The following RDM1 variants were observed in gnomAD, a reference collection of about 807,000 sequenced individuals.
RDM1 encodes the protein RAD52 motif-containing protein 1.
Under a neutral mutation model 27.7 loss-of-function variants are expected in RDM1, and 28 were observed. The observed-to-expected ratio is 1.01, with a 90% confidence interval of 0.75 to 1.39. The LOEUF (loss-of-function observed/expected upper bound fraction) is 1.39. Ranked by LOEUF, RDM1 falls within the 40% of genes most tolerant of loss-of-function variation. RDM1 has a pLI of 0.00. For missense variants in RDM1, 277 were observed against 337.3 expected, an observed-to-expected ratio of 0.82 and a Z score of 1.40; for synonymous variants, 124 against 127.5, an observed-to-expected ratio of 0.97 and a Z score of 0.19.
intron 5 of RDM1, 42 bp from the exon 6 acceptor site, chr17:35,920,314 T>C: frequency 2.9e-6 from 3 of 1,020,404 alleles, no homozygotes; most frequent in Non-Finnish European, 4.5e-6. Flanking sequence ...ATCTTTTTCA[T>C]TCTAAAACTT....
intron 4 of RDM1, among the ~76,000 whole-genome samples, chr17:35,923,410 C>A (rs993931448): frequency 6.7e-6 from 1 of 148,220 alleles, no homozygotes; most frequent in Non-Finnish European, 1.5e-5. Flanking sequence ...AATCCCAGCA[C>A]TTTGGGAGGC....
At chr17:35,924,830 T>C in intron 3 of RDM1, 58 bp from the exon 4 acceptor site, 1 of 1,560,144 alleles carries the variant, frequency 6.4e-7, no homozygotes, top group Non-Finnish European at 8.7e-7. Flanking sequence ...CTTCAAAATG[T>C]TTTGTTATTA....
intron 2 of RDM1, among the ~76,000 whole-genome samples, chr17:35,928,722 A>T (rs368354472): frequency 5.3e-5 from 8 of 151,250 alleles, no homozygotes; most frequent in African/African-American, 1.9e-4. Context: ...AGATCACACC[A>T]TTGCACTCCA....
chr17:35,920,400 G>T, intron 5 of RDM1, 128 bp from the exon 6 acceptor site: 4 of 438,648 alleles, frequency 9.1e-6, no homozygotes, highest in South Asian at 3.9e-5. Context: ...GCATTTTCCT[G>T]GAAGTTTCCT....
intron 5 of RDM1, among the ~76,000 whole-genome samples, chr17:35,920,996 T>C (rs1371047781): frequency 3.9e-5 from 6 of 152,230 alleles, no homozygotes; most frequent in Non-Finnish European, 5.9e-5. Flanking sequence ...CCTTCTTTTG[T>C]CTACTCAGGT....
rs538357692 is a variant in RDM1 at position 35,923,224 on chromosome 17, A to G, written c.569-549T>C. Among the ~76,000 whole-genome samples, 50 of 151,962 alleles carry G rather than the reference A, an allele frequency of 3.3e-4. No homozygotes were observed. In the South Asian group the frequency reaches 1.0e-2, roughly 30 times the overall value. ...AAATTAGCCGGGTGTGGTGGCACAC[A>G]TGTGTAATCCCAGCTACCTGGGAGT... On this transcript the variant is annotated intron_variant, in intron 4 of 6. Coordinates refer to ENST00000620284, the MANE Select transcript of RDM1 (RefSeq NM_145654.4).
At chr17:35,927,937 A>C (rs1201381084) in intron 2 of RDM1, among the ~76,000 whole-genome samples, 1 of 152,228 alleles carries the variant, frequency 6.6e-6, no homozygotes, top group Non-Finnish European at 1.5e-5. Flanking sequence ...ATAGTTCAAA[A>C]GTTAAATAAT....
intron 4 of RDM1, among the ~76,000 whole-genome samples, chr17:35,923,776 T>C (rs1006393995): frequency 4.6e-5 from 7 of 152,240 alleles, no homozygotes; most frequent in Admixed American, 6.5e-5. Context: ...ACCCTAAGCA[T>C]GATGGCCATG....
chr17:35,928,687 G>A (rs1019303494), intron 2 of RDM1, among the ~76,000 whole-genome samples: 9 of 151,754 alleles, frequency 5.9e-5, no homozygotes, highest in African/African-American at 1.5e-4. Flanking sequence ...GCTTGAACCC[G>A]GGAGGCGGAG....
intron 2 of RDM1, among the ~76,000 whole-genome samples, chr17:35,926,611 A>G (rs565978658): frequency 2.0e-5 from 3 of 152,168 alleles, no homozygotes; most frequent in South Asian, 2.1e-4. Flanking sequence ...TCACCGTGTT[A>G]GCCAGGATGG....
At position 35,922,635 on chromosome 17, in the gene RDM1, C is replaced by T; in HGVS notation, c.609G>A (p.Lys203=). The change falls in exon 5 of 7, where the codon AAG becomes AAA. Residue 203 remains lysine, a synonymous_variant. Coordinates refer to ENST00000620284, the MANE Select transcript of RDM1 (RefSeq NM_145654.4). ...CTGACAAAGCCTTCTGAATAGCAAGCTTCTGGGCTGTCTTCCTTTTCATAA... is the reference window on the plus strand; with the variant it reads ...CTGACAAAGCCTTCTGAATAGCAAGTTTCTGGGCTGTCTTCCTTTTCATAA... The part of the protein sequence containing the change: ...SFLMKRKTAQ[K]LAIQKALSDA... The T allele has an allele frequency of 6.2e-7, 1 of 1,610,868 alleles. No individual in the cohort carries two copies. The highest frequency in any genetic ancestry group is 1.1e-5 in the South Asian group (1 of 90,576).
rs1339140332 is a variant in RDM1, at chr17:35,920,219, T to C, written c.721A>G (p.Arg241Gly). 5 of 1,603,328 alleles carry C rather than the reference T, an allele frequency of 3.1e-6. No homozygotes were observed. The African/African-American group carries it at 6.7e-5, about 21-fold the overall frequency. The change falls in exon 6 of 7, where the codon AGA becomes GGA. Residue 241 changes from arginine to glycine, a missense_variant. Arg to Gly is a moderately radical substitution (Grantham distance 125). Transcript: ENST00000620284. The part of the protein sequence containing the change: ...YRPSEDIVGV[R>G]CEEELHGLIQ... ...AAACCGTGTAGTTCTTCTTCGCATC[T>C]GACACCTACGATGTCTTCACTGGGT...
At chr17:35,920,164 CCT>C in intron 6 of RDM1, 21 bp downstream of exon 6, 1 of 1,223,858 alleles carries the variant, frequency 8.2e-7, no homozygotes, top group South Asian at 1.3e-5. Flanking sequence ...CTATGTTACC[CCT>C]GAGTTTTTAT....
intron 4 of RDM1, among the ~76,000 whole-genome samples, chr17:35,923,669 G>GA (rs1313387945): frequency 2.0e-5 from 3 of 151,894 alleles, no homozygotes; most frequent in Non-Finnish European, 4.4e-5. Context: ...TCTCAAAAAA[G>GA]AAAAAACTTT....
At position 35,925,562 on chromosome 17, in the gene RDM1, C is replaced by T. The variant is rs932604946; in HGVS notation, c.352G>A (p.Ala118Thr). 8.1e-6 allele frequency: 13 copies of T among 1,613,898 alleles called. No homozygotes were observed. The highest frequency in any genetic ancestry group is 1.0e-5 in the Non-Finnish European group (12 of 1,180,012). Reference sequence around the variant, plus strand: ...CCATTGAAACCAAAGTAGTAATTCGCCAGTTCTTGGCATTTGGAACTGTTC... The same window carrying T: ...CCATTGAAACCAAAGTAGTAATTCGTCAGTTCTTGGCATTTGGAACTGTTC... Reference protein sequence around the residue: ...ALNSSKCQELANYYFGFNGCS... With the variant: ...ALNSSKCQELTNYYFGFNGCS... The change falls in exon 3 of 7, where the codon GCG becomes ACG. Residue 118 changes from alanine to threonine, a missense_variant. Ala to Thr is a moderately conservative substitution (Grantham distance 58, BLOSUM62 0). Coordinates refer to ENST00000620284, the MANE Select transcript of RDM1 (RefSeq NM_145654.4).
At position 35,930,745 on chromosome 17, in the gene RDM1, T is replaced by A. The variant is rs539772102; in HGVS notation, c.-18A>T. 1.9e-6 allele frequency: 3 copies of A among 1,610,804 alleles called. No individual in the cohort carries two copies. In the East Asian group the frequency reaches 6.7e-5, roughly 36 times the overall value. ...TCCGCCATCCTCCCTTCACCGCACC[T>A]GCGCGGCTAACCCTCGCCCCAGCAT... On this transcript the variant is annotated 5_prime_UTR_variant, in exon 1 of 7. Coordinates refer to ENST00000620284, the MANE Select transcript of RDM1 (RefSeq NM_145654.4).
intron 3 of RDM1, among the ~76,000 whole-genome samples, chr17:35,925,023 A>C (rs767473909): frequency 1.3e-5 from 2 of 152,142 alleles, no homozygotes; most frequent in Non-Finnish European, 2.9e-5. Flanking sequence ...AGTCCCAGCT[A>C]CTTGGGAGGC....
intron 5 of RDM1, among the ~76,000 whole-genome samples, chr17:35,921,082 A>C (rs1253579259): frequency 2.0e-5 from 3 of 152,220 alleles, no homozygotes; most frequent in Admixed American, 6.5e-5. Flanking sequence ...ACATTTGAAC[A>C]TTTTATTGGC....
chr17:35,922,308 C>A, intron 5 of RDM1: 1 of 449,446 alleles, frequency 2.2e-6, no homozygotes, highest in East Asian at 3.7e-5. Flanking sequence ...GATAGGTAAG[C>A]AATTAAAGAA....
Sources: gnomAD v4.1 joint callset for allele counts (sites outside exome capture counted in the v4.1 genomes callset) on GRCh38, gnomAD v4.1.1 for gene constraint, MANE v1.5 for transcripts, NCBI Gene and HGNC (gene_info 2026-07-23, HGNC 2026-07-21) for gene names.